Variants in ZBTB20 observed in about 807,000 individuals in gnomAD.
ZBTB20 encodes zinc finger and BTB domain containing 20, also known as zinc finger and BTB domain-containing protein 20.
A neutral mutation model predicts 56.9 loss-of-function variants in ZBTB20; 9 were observed. That is an observed-to-expected ratio of 0.16 (90% CI 0.10 to 0.28). The LOEUF is 0.28. Among genes scored for constraint, ZBTB20 ranks in the 10% least tolerant of loss-of-function variants. The pLI is 1.00. For synonymous variants in ZBTB20, 417 were observed against 420.7 expected (o/e 0.99, Z 0.11); for missense variants, 655 against 1,003.0 (o/e 0.65, Z 4.69).
chr3:114,350,259 T>C lies in ZBTB20; in HGVS notation c.1804+15A>G, dbSNP rs571496528. On this transcript the variant is annotated intron_variant, in intron 11 of 11. Coordinates refer to ENST00000675478, the MANE Select transcript of ZBTB20 (RefSeq NM_001348800.3). ...CAGCCCCTGCTGCCAGGCCTCCAGGTGGGGTGACACTCACCTGTGTGTACG... is the reference window on the plus strand; with the variant it reads ...CAGCCCCTGCTGCCAGGCCTCCAGGCGGGGTGACACTCACCTGTGTGTACG... 119 of 1,577,054 alleles carry C rather than the reference T, an allele frequency of 7.5e-5. 1 individual carries two copies. Among genetic ancestry groups the C allele is most frequent in the Non-Finnish European group, 1.0e-4 (117 of 1,155,918 alleles).
intron 4 of ZBTB20, among the ~76,000 whole-genome samples, chr3:114,804,802 A>C (rs528885619): frequency 2.2e-4 from 33 of 151,996 alleles, no homozygotes; most frequent in Admixed American, 7.2e-4. Flanking sequence ...TTATTATTTT[A>C]TGCATGAATA....
At chr3:114,970,669 C>A (rs148679774) in intron 3 of ZBTB20, among the ~76,000 whole-genome samples, 26 of 152,230 alleles carry the variant, frequency 1.7e-4, no homozygotes, top group Non-Finnish European at 2.8e-4. Flanking sequence ...TCTTTTCAAG[C>A]CAATAAGGTC....
chr3:114,641,876 ATTGT>A (rs1212066243), intron 6 of ZBTB20, among the ~76,000 whole-genome samples: 5 of 151,974 alleles, frequency 3.3e-5, no homozygotes, highest in African/African-American at 4.8e-5. Flanking sequence ...ACTGTTTTTC[ATTGT>A]TTAACAGACA....
chr3:114,866,603 T>C (rs2075771952), intron 4 of ZBTB20, among the ~76,000 whole-genome samples: 1 of 152,192 alleles, frequency 6.6e-6, no homozygotes, highest in Non-Finnish European at 1.5e-5. Flanking sequence ...GTAAAGCAGA[T>C]TGGCCTCCCT....
chr3:114,451,757 T>G (rs1261644666), intron 7 of ZBTB20, among the ~76,000 whole-genome samples: 1 of 152,144 alleles, frequency 6.6e-6, no homozygotes. Context: ...CGCCAAGAAC[T>G]GGAGCGGATT....
chr3:114,372,932 T>C (rs929012536), intron 10 of ZBTB20, among the ~76,000 whole-genome samples: 3 of 152,208 alleles, frequency 2.0e-5, no homozygotes, highest in African/African-American at 7.2e-5. Flanking sequence ...TCTTTTTTTT[T>C]CCTGAGATGC....
At chr3:114,449,896 G>A (rs1341000106) in intron 7 of ZBTB20, among the ~76,000 whole-genome samples, 2 of 152,036 alleles carry the variant, frequency 1.3e-5, no homozygotes, top group Admixed American at 6.6e-5. Flanking sequence ...TTTAAAATCT[G>A]CAAATTTTCT....
chr3:115,084,174 C>T (rs1420534774), intron 1 of ZBTB20, among the ~76,000 whole-genome samples: 1 of 150,198 alleles, frequency 6.7e-6, no homozygotes, highest in Non-Finnish European at 1.5e-5. Flanking sequence ...AATTATCATC[C>T]TTACGATGTT....
At chr3:114,376,891 A>T (rs2083704021) in intron 10 of ZBTB20, among the ~76,000 whole-genome samples, 1 of 152,198 alleles carries the variant, frequency 6.6e-6, no homozygotes, top group African/African-American at 2.4e-5. Flanking sequence ...AGGGAGGAAA[A>T]TCACTTCTTT....
intron 6 of ZBTB20, among the ~76,000 whole-genome samples, chr3:114,627,157 T>C (rs1379279621): frequency 6.6e-6 from 1 of 152,228 alleles, no homozygotes; most frequent in Non-Finnish European, 1.5e-5. Flanking sequence ...TCACTTTTCA[T>C]GCAAAGCATT....
intron 4 of ZBTB20, among the ~76,000 whole-genome samples, chr3:114,875,986 C>G (rs573588769): frequency 2.2e-4 from 33 of 152,140 alleles, no homozygotes; most frequent in African/African-American, 6.7e-4. Flanking sequence ...GTAACCCCAG[C>G]ACTTTGGGAG....
At chr3:114,470,225 CAA>C (rs1261681414) in intron 7 of ZBTB20, among the ~76,000 whole-genome samples, 20 of 152,080 alleles carry the variant, frequency 1.3e-4, no homozygotes, top group Admixed American at 1.1e-3. Flanking sequence ...TATATAATAA[CAA>C]AAGACACTTT....
chr3:114,794,857 A>T (rs1018700931), intron 5 of ZBTB20, among the ~76,000 whole-genome samples: 1 of 152,090 alleles, frequency 6.6e-6, no homozygotes. Flanking sequence ...ATTTATTTTC[A>T]AGGTTTTCTA....
At chr3:115,068,844 T>C (rs908944327) in intron 2 of ZBTB20, among the ~76,000 whole-genome samples, 1 of 151,938 alleles carries the variant, frequency 6.6e-6, no homozygotes. Context: ...AAAAATGCCA[T>C]GTAAATCACT....
intron 4 of ZBTB20, among the ~76,000 whole-genome samples, chr3:114,804,550 A>T (rs142721748): frequency 0.012 from 1,752 of 152,056 alleles, 15 homozygotes; most frequent in South Asian, 0.041. Flanking sequence ...TTTTTAAGAG[A>T]CAGCCCTGTT....
chr3:114,879,145 G>C (rs914969186), intron 4 of ZBTB20, among the ~76,000 whole-genome samples: 5 of 152,188 alleles, frequency 3.3e-5, no homozygotes, highest in Non-Finnish European at 7.4e-5. Flanking sequence ...GTGTGAACTT[G>C]TCAGTGATAA....
intron 6 of ZBTB20, among the ~76,000 whole-genome samples, chr3:114,553,066 T>C (rs2050772927): frequency 6.6e-6 from 1 of 152,212 alleles, no homozygotes; most frequent in South Asian, 2.1e-4. Flanking sequence ...ATATGATGTT[T>C]TGCCAAGAAA....
intron 2 of ZBTB20, among the ~76,000 whole-genome samples, chr3:115,000,985 T>C (rs1455317608): frequency 6.6e-6 from 1 of 150,598 alleles, no homozygotes; most frequent in East Asian, 2.0e-4. Context: ...TTAGGTGAAC[T>C]AGCAAAATCT....
intron 6 of ZBTB20, among the ~76,000 whole-genome samples, chr3:114,625,953 A>G (rs2058638601): frequency 6.6e-6 from 1 of 152,224 alleles, no homozygotes; most frequent in South Asian, 2.1e-4. Context: ...GAGAAACCAT[A>G]TCTAGATGAA....
Sources: allele counts gnomAD v4.1 joint callset (sites outside exome capture counted in the v4.1 genomes callset), GRCh38; gene constraint gnomAD v4.1.1; transcripts MANE v1.5; gene names NCBI Gene and HGNC (gene_info 2026-07-23, HGNC 2026-07-21).